Variants in RORB observed in about 807,000 individuals in gnomAD.
The protein encoded by RORB is nuclear receptor ROR-beta.
In RORB, 6 loss-of-function variants were observed where a neutral mutation model predicts 59.1. That is an observed-to-expected ratio of 0.10 (90% CI 0.06 to 0.20). The LOEUF (loss-of-function observed/expected upper bound fraction) is 0.20, where lower values mean the gene tolerates loss of function less well. Ranked by LOEUF, RORB falls within the 10% of genes least tolerant of loss-of-function variation. RORB has a pLI of 1.00. For missense variants in RORB, 320 were observed against 560.5 expected, an observed-to-expected ratio of 0.57 and a Z score of 4.33; for synonymous variants, 215 against 204.5, an observed-to-expected ratio of 1.05 and a Z score of -0.44.
At chr9:74,518,363 C>G (rs149754936) in intron 1 of RORB, among the ~76,000 whole-genome samples, 2 of 151,982 alleles carry the variant, frequency 1.3e-5, no homozygotes, top group African/African-American at 2.4e-5. Context: ...CCAATGACCA[C>G]ACACTGCAAC....
chr9:74,575,027 C>A (rs1325013824), intron 1 of RORB, among the ~76,000 whole-genome samples: 1 of 152,058 alleles, frequency 6.6e-6, no homozygotes, highest in East Asian at 1.9e-4. Context: ...ATTGAAGTTA[C>A]ATAAAGTGTG....
chr9:74,647,816 T>TAC, intron 4 of RORB, among the ~76,000 whole-genome samples: 1 of 152,332 alleles, frequency 6.6e-6, no homozygotes, highest in East Asian at 1.9e-4. Context: ...TTACTAGTAG[T>TAC]GTTTTATTTT....
At chr9:74,672,249 G>A (rs957087837) in intron 9 of RORB, among the ~76,000 whole-genome samples, 1 of 152,144 alleles carries the variant, frequency 6.6e-6, no homozygotes, top group African/African-American at 2.4e-5. Flanking sequence ...CAGTTCAGGA[G>A]CCAGGTCTGG....
chr9:74,595,368 TC>T lies in RORB; in HGVS notation c.8-34912del, dbSNP rs1249294485. 1.2e-3 allele frequency among the ~76,000 whole-genome samples: 188 copies of T among 152,354 alleles called. 1 individual carries two copies. The highest frequency in any genetic ancestry group is 4.3e-3 in the African/African-American group (179 of 41,586). On this transcript the variant is annotated intron_variant, in intron 1 of 9. Transcript: ENST00000376896. Reference sequence around the variant, plus strand: ...AACAAAGCAGTCTTACTTTATTCACTCCTGACCATGCCCTTTCTTTGTATGC... The same window carrying T: ...AACAAAGCAGTCTTACTTTATTCACTCTGACCATGCCCTTTCTTTGTATGC...
chr9:74,650,042 A>G (rs1426248627), intron 4 of RORB, among the ~76,000 whole-genome samples: 1 of 152,194 alleles, frequency 6.6e-6, no homozygotes, highest in Admixed American at 6.5e-5. Flanking sequence ...TCTTATTGAG[A>G]AGCTACTGGA....
intron 1 of RORB, among the ~76,000 whole-genome samples, chr9:74,513,882 G>A (rs1825975162): frequency 6.6e-6 from 1 of 151,886 alleles, no homozygotes; most frequent in South Asian, 2.1e-4. Flanking sequence ...CAGTGTTATT[G>A]TATATACTAT....
At chr9:74,649,898 T>G (rs975940517) in intron 4 of RORB, among the ~76,000 whole-genome samples, 1 of 152,148 alleles carries the variant, frequency 6.6e-6, no homozygotes, top group African/African-American at 2.4e-5. Flanking sequence ...TTATTTTGAG[T>G]TGAAACTATG....
At chr9:74,640,618 A>T (rs1241912611) in intron 3 of RORB, among the ~76,000 whole-genome samples, 5 of 152,180 alleles carry the variant, frequency 3.3e-5, no homozygotes, top group South Asian at 2.1e-4. Context: ...TTAAGAAGAT[A>T]CAGAAAGAGT....
At chr9:74,538,421 T>A (rs980170194) in intron 1 of RORB, among the ~76,000 whole-genome samples, 1 of 152,052 alleles carries the variant, frequency 6.6e-6, no homozygotes, top group Non-Finnish European at 1.5e-5. Context: ...GTTAAAAAAT[T>A]AAAGCTGAAT....
At chr9:74,662,740 A>G in intron 6 of RORB, 134 bp downstream of exon 6, 2 of 856,854 alleles carry the variant, frequency 2.3e-6, no homozygotes, top group Admixed American at 2.1e-5. Flanking sequence ...CCAACTCCCA[A>G]AGGAAACTCT....
intron 1 of RORB, among the ~76,000 whole-genome samples, chr9:74,522,254 G>A (rs982314417): frequency 6.6e-6 from 1 of 151,590 alleles, no homozygotes; most frequent in African/African-American, 2.4e-5. Flanking sequence ...GAATTGCATT[G>A]TGTTGAACTT....
chr9:74,606,991 G>C (rs1252879921), intron 1 of RORB, among the ~76,000 whole-genome samples: 1 of 152,080 alleles, frequency 6.6e-6, no homozygotes, highest in East Asian at 1.9e-4. Flanking sequence ...GAATGCTTTT[G>C]GTAGAAAATT....
chr9:74,498,911 A>ACTCT (rs1355759537), intron 1 of RORB: 1 of 153,492 alleles, frequency 6.5e-6, no homozygotes, highest in Non-Finnish European at 1.5e-5. Flanking sequence ...CTCCGGCTGG[A>ACTCT]CTCTGGGCCT....
intron 1 of RORB, among the ~76,000 whole-genome samples, chr9:74,515,996 C>T (rs1354803643): frequency 6.6e-6 from 1 of 152,056 alleles, no homozygotes; most frequent in Non-Finnish European, 1.5e-5. Context: ...AGAGAGAGAA[C>T]TAACATTGAC....
chr9:74,503,753 A>T (rs1216879916), intron 1 of RORB, among the ~76,000 whole-genome samples: 4 of 152,060 alleles, frequency 2.6e-5, no homozygotes, highest in African/African-American at 9.7e-5. Context: ...CGCAAGACAA[A>T]GGAAGCATAG....
chr9:74,655,347 T>C (rs113630070), intron 4 of RORB, among the ~76,000 whole-genome samples: 1 of 152,356 alleles, frequency 6.6e-6, no homozygotes, highest in African/African-American at 2.4e-5. Flanking sequence ...GCAATATTCC[T>C]GTTGGACTTA....
chr9:74,643,992 T>G (rs1197357869), intron 4 of RORB, among the ~76,000 whole-genome samples: 2 of 152,268 alleles, frequency 1.3e-5, no homozygotes, highest in African/African-American at 4.8e-5. Flanking sequence ...TAGCAAGGTT[T>G]GGCACTCAGG....
chr9:74,606,663 T>G (rs1323761481), intron 1 of RORB, among the ~76,000 whole-genome samples: 1 of 152,208 alleles, frequency 6.6e-6, no homozygotes, highest in African/African-American at 2.4e-5. Flanking sequence ...GTGAGTATGT[T>G]CCTTAGAAGA....
chr9:74,546,190 A>T (rs976911510), intron 1 of RORB, among the ~76,000 whole-genome samples: 2 of 152,244 alleles, frequency 1.3e-5, no homozygotes, highest in African/African-American at 2.4e-5. Context: ...ATTTGATTTT[A>T]GATAGAGAAG....
Sources: allele counts gnomAD v4.1 joint callset (sites outside exome capture counted in the v4.1 genomes callset), GRCh38; gene constraint gnomAD v4.1.1; transcripts MANE v1.5; gene names NCBI Gene and HGNC (gene_info 2026-07-23, HGNC 2026-07-21).